Variants in PDE7B observed in about 807,000 individuals in gnomAD.
The protein encoded by PDE7B is phosphodiesterase 7B.
Under a neutral mutation model 56.2 loss-of-function variants are expected in PDE7B, and 29 were observed. That is an observed-to-expected ratio of 0.52 (90% CI 0.38 to 0.70). PDE7B has a LOEUF of 0.70. Among genes scored for constraint, PDE7B ranks in the 30% least tolerant of loss-of-function variants. The pLI, the probability that PDE7B is intolerant of heterozygous loss-of-function variation, is 0.00. For missense variants in PDE7B, 490 were observed against 565.0 expected (o/e 0.87, Z 1.35); for synonymous variants, 197 against 196.9 (o/e 1.00, Z 0.00).
At chr6:136,109,380 G>A (rs758503895) in intron 3 of PDE7B, among the ~76,000 whole-genome samples, 22 of 152,158 alleles carry the variant, frequency 1.4e-4, no homozygotes, top group Non-Finnish European at 2.6e-4. Context: ...GCCCTATACA[G>A]GGAAGCTACT....
chr6:136,155,546 TTG>T (rs1778589106), intron 7 of PDE7B, 79 bp from the exon 8 acceptor site: 1 of 1,163,294 alleles, frequency 8.6e-7, no homozygotes, highest in South Asian at 1.4e-5. Context: ...TGATGATTCA[TTG>T]TGTTTGATTT....
chr6:136,124,539 A>G (rs1219533135), intron 3 of PDE7B, among the ~76,000 whole-genome samples: 6 of 152,252 alleles, frequency 3.9e-5, no homozygotes, highest in Admixed American at 3.9e-4. Flanking sequence ...AGTTTCAGTC[A>G]TCTAGTCCAT....
chr6:136,002,735 C>G (rs970494244), intron 2 of PDE7B, among the ~76,000 whole-genome samples: 1 of 152,148 alleles, frequency 6.6e-6, no homozygotes, highest in African/African-American at 2.4e-5. Context: ...GACTTAGACT[C>G]CCACAAATTA....
chr6:136,177,814 TAAG>T (rs1779004218), intron 9 of PDE7B, among the ~76,000 whole-genome samples: 1 of 152,154 alleles, frequency 6.6e-6, no homozygotes, highest in Non-Finnish European at 1.5e-5. Flanking sequence ...TAGAGGTATA[TAAG>T]AATATTTACT....
At chr6:135,938,600 G>A (rs1041323977) in intron 1 of PDE7B, among the ~76,000 whole-genome samples, 3 of 152,160 alleles carry the variant, frequency 2.0e-5, no homozygotes, top group African/African-American at 7.2e-5. Context: ...GGCTATAGTC[G>A]TTTTGCACAA....
At chr6:135,880,855 C>T (rs1192109738) in intron 1 of PDE7B, among the ~76,000 whole-genome samples, 1 of 152,144 alleles carries the variant, frequency 6.6e-6, no homozygotes, top group Non-Finnish European at 1.5e-5. Flanking sequence ...TGTCTGGATG[C>T]TTTCTTTGCA....
chr6:135,974,150 T>G (rs1276159444), intron 2 of PDE7B, among the ~76,000 whole-genome samples: 2 of 152,192 alleles, frequency 1.3e-5, no homozygotes, highest in Non-Finnish European at 2.9e-5. Flanking sequence ...TGATCATCTA[T>G]AACAATAGAT....
chr6:136,083,331 T>C (rs1777235958), intron 2 of PDE7B, among the ~76,000 whole-genome samples: 2 of 152,178 alleles, frequency 1.3e-5, no homozygotes, highest in Admixed American at 1.3e-4. Flanking sequence ...TCCTGGAACA[T>C]AGTATGGGGC....
chr6:136,056,512 C>CTTTTTTTTTTTT (rs542232291), intron 2 of PDE7B, among the ~76,000 whole-genome samples: 2 of 53,904 alleles, frequency 3.7e-5, no homozygotes, highest in Admixed American at 2.7e-4. Flanking sequence ...AGATAGAATC[C>CTTTTTTTTTTTT]TTTTTTTTTT....
chr6:135,884,457 A>C (rs1172104398), intron 1 of PDE7B, among the ~76,000 whole-genome samples: 1 of 152,210 alleles, frequency 6.6e-6, no homozygotes, highest in Non-Finnish European at 1.5e-5. Flanking sequence ...CAGAATTTTC[A>C]GAATTTTCCT....
intron 8 of PDE7B, among the ~76,000 whole-genome samples, chr6:136,169,935 A>G (rs1244203326): frequency 6.6e-6 from 1 of 152,206 alleles, no homozygotes; most frequent in African/African-American, 2.4e-5. Context: ...TAGTGAAATG[A>G]ATAGCAATAG....
At chr6:136,038,641 G>A (rs1330704943) in intron 2 of PDE7B, 1 of 765,306 alleles carries the variant, frequency 1.3e-6, no homozygotes, top group African/African-American at 1.8e-5. Context: ...CATCAGGTCT[G>A]AGGGCTGTGA....
chr6:135,978,015 C>A (rs1775221676), intron 2 of PDE7B, among the ~76,000 whole-genome samples: 1 of 152,040 alleles, frequency 6.6e-6, no homozygotes, highest in Admixed American at 6.6e-5. Context: ...CTAAAGCAGG[C>A]AAACCTGTAC....
intron 1 of PDE7B, among the ~76,000 whole-genome samples, chr6:135,929,905 A>G (rs1390708514): frequency 6.6e-6 from 1 of 152,214 alleles, no homozygotes; most frequent in Non-Finnish European, 1.5e-5. Flanking sequence ...AATAATGGGC[A>G]CTAGAAAGTA....
At chr6:135,902,425 C>T (rs1404674067) in intron 1 of PDE7B, among the ~76,000 whole-genome samples, 2 of 151,596 alleles carry the variant, frequency 1.3e-5, no homozygotes, top group East Asian at 3.9e-4. Context: ...CCTGAGTCAG[C>T]AATAGACATA....
chr6:136,156,161 A>ATGTGTGTGTGTGTG (rs1491120296), intron 8 of PDE7B: 1 of 240,240 alleles, frequency 4.2e-6, no homozygotes, highest in Admixed American at 6.2e-5. Context: ...AGAATGATCC[A>ATGTGTGTGTGTGTG]AGTGTGTGTG....
chr6:136,091,109 C>T (rs1359895382), intron 2 of PDE7B, among the ~76,000 whole-genome samples: 4 of 152,176 alleles, frequency 2.6e-5, no homozygotes, highest in South Asian at 2.1e-4. Flanking sequence ...AGACCTTTAA[C>T]ATGTGGGTTC....
Position 136,187,060 on chromosome 6 carries a change from T to G in PDE7B, c.1070T>G (p.Leu357Arg). Residue 357 changes from leucine (L) to arginine (R), a missense_variant, in exon 12 of 13, where the codon CTG becomes CGG. By Grantham distance (102) the Leu-to-Arg change is moderately radical. Coordinates refer to ENST00000308191, the MANE Select transcript of PDE7B (RefSeq NM_018945.4). The stretch of plus-strand genomic sequence containing the variant: ...GGTGAACTTGAACAGAAATTTGAAC[T>G]GGAAATCAGTCCTCTTTGTAATCAA... ...RQGELEQKFE[L>R]EISPLCNQQK... The G allele has an allele frequency of 6.3e-7, 1 of 1,587,072 alleles. No homozygotes were observed. Among genetic ancestry groups the G allele is most frequent in the Non-Finnish European group, 8.6e-7 (1 of 1,156,870 alleles).
rs1306884227 is a variant in PDE7B, at chr6:135,935,214, ATATT to A, written c.22-12248_22-12245del. 1.3e-4 allele frequency among the ~76,000 whole-genome samples: 13 copies of A among 96,576 alleles called. 3 individuals are homozygous for A. The highest frequency in any genetic ancestry group is 5.4e-4 in the African/African-American group (12 of 22,144). The allele number at this position is 96,576 out of a possible 152,430, so 63.4% of individuals were successfully genotyped here. On this transcript the variant is annotated intron_variant, in intron 1 of 12. Transcript: ENST00000308191. ...TTTATATATATATATATATATATAT[ATATT>A]TTCATGATTCTTGCTCTCCAGGAAA...
Sources: allele counts gnomAD v4.1 joint callset (sites outside exome capture counted in the v4.1 genomes callset), GRCh38; gene constraint gnomAD v4.1.1; transcripts MANE v1.5; gene names NCBI Gene and HGNC (gene_info 2026-07-23, HGNC 2026-07-21).